The following PTPRM variants were observed in gnomAD, a reference collection of about 807,000 sequenced individuals.
PTPRM encodes protein tyrosine phosphatase receptor type M.
PTPRM carries 47 observed loss-of-function variants against 186.7 expected under a neutral mutation model. The observed-to-expected ratio is 0.25, with a 90% CI of 0.20 to 0.32. PTPRM has a LOEUF of 0.32. PTPRM is among the 10% of genes least tolerant of loss of function. The probability of loss-of-function intolerance (pLI) is 1.00; values close to 1 mark genes in which losing one functional copy is unlikely to be tolerated. For missense variants in PTPRM, 1,494 were observed against 1,865.0 expected (o/e 0.80, Z 3.66); for synonymous variants, 668 against 674.9 (o/e 0.99, Z 0.16).
chr18:7,569,351 T>G (rs989663382), intron 1 of PTPRM, among the ~76,000 whole-genome samples: 4 of 152,170 alleles, frequency 2.6e-5, no homozygotes, highest in Non-Finnish European at 4.4e-5. Flanking sequence ...TACAGAAATA[T>G]CCTTTCTCCA....
chr18:7,960,741 T>C (rs2053623333), intron 7 of PTPRM, among the ~76,000 whole-genome samples: 1 of 151,646 alleles, frequency 6.6e-6, no homozygotes, highest in Non-Finnish European at 1.5e-5. Flanking sequence ...ATCGACAGAG[T>C]AAAACCCTGT....
intron 2 of PTPRM, among the ~76,000 whole-genome samples, chr18:7,853,864 T>TAAC (rs2046977647): frequency 6.6e-6 from 1 of 152,196 alleles, no homozygotes; most frequent in Non-Finnish European, 1.5e-5. Context: ...CAATGAAAAC[T>TAAC]GATTTTCTAA....
At chr18:8,203,511 TAA>T (rs2093886262) in intron 14 of PTPRM, among the ~76,000 whole-genome samples, 1 of 152,192 alleles carries the variant, frequency 6.6e-6, no homozygotes, top group South Asian at 2.1e-4. Flanking sequence ...ATGAAAAGTT[TAA>T]AAGACATTGG....
At chr18:7,950,619 A>C (rs1224335937) in intron 6 of PTPRM, among the ~76,000 whole-genome samples, 1 of 152,148 alleles carries the variant, frequency 6.6e-6, no homozygotes, top group Non-Finnish European at 1.5e-5. Flanking sequence ...GGCCATGAGG[A>C]AGATCAAATG....
chr18:7,721,840 G>C (rs1383455360), intron 1 of PTPRM, among the ~76,000 whole-genome samples: 1 of 152,092 alleles, frequency 6.6e-6, no homozygotes, highest in Non-Finnish European at 1.5e-5. Flanking sequence ...GTTTTAGTTT[G>C]ATTTTATTTT....
rs1230885955 is a variant in PTPRM, at chr18:8,001,567, A to G, written c.1132+46153A>G. On this transcript the variant is annotated intron_variant, in intron 7 of 32. Coordinates refer to ENST00000580170, the MANE Select transcript of PTPRM (RefSeq NM_001105244.2). Reference sequence around the variant, plus strand: ...TTTATTTGCCCCTCCACCAGCCTAGATACACACTGGCTTTTGTGACTTTAT... The same window carrying G: ...TTTATTTGCCCCTCCACCAGCCTAGGTACACACTGGCTTTTGTGACTTTAT... Among the ~76,000 whole-genome samples the G allele has an allele frequency of 3.3e-5, 5 of 152,064 alleles. No individual in the cohort carries two copies. In the East Asian group the frequency reaches 9.6e-4, roughly 29 times the overall value.
intron 2 of PTPRM, among the ~76,000 whole-genome samples, chr18:7,883,339 C>T (rs1166172413): frequency 6.6e-6 from 1 of 152,154 alleles, no homozygotes; most frequent in Admixed American, 6.5e-5. Flanking sequence ...GAAAATTAAA[C>T]ATTCAGCCAT....
At position 8,291,829 on chromosome 18, in the gene PTPRM, G is replaced by A. The variant is rs142771890; in HGVS notation, c.2755-4539G>A. Among the ~76,000 whole-genome samples, 6 of 150,004 alleles carry A rather than the reference G, an allele frequency of 4.0e-5. No homozygotes were observed. The East Asian group carries it at 9.8e-4, about 24-fold the overall frequency. On this transcript the variant is annotated intron_variant, in intron 19 of 32. Transcript: ENST00000580170. ...ACATTTTACTGTTGTGTTTATTAGT[G>A]ATTATGCCCATCTCATGGTCTTCCA...
chr18:7,690,706 C>T (rs1248461105), intron 1 of PTPRM, among the ~76,000 whole-genome samples: 2 of 152,138 alleles, frequency 1.3e-5, no homozygotes, highest in African/African-American at 4.8e-5. Context: ...AGAATGTCTG[C>T]AAGTGATATA....
intron 7 of PTPRM, among the ~76,000 whole-genome samples, chr18:7,998,274 A>G (rs1299285196): frequency 6.6e-6 from 1 of 152,028 alleles, no homozygotes; most frequent in African/African-American, 2.4e-5. Flanking sequence ...TAAACAAGGC[A>G]GGCACAGAAT....
intron 2 of PTPRM, among the ~76,000 whole-genome samples, chr18:7,794,435 A>T (rs1164340318): frequency 6.6e-6 from 1 of 152,070 alleles, no homozygotes; most frequent in Non-Finnish European, 1.5e-5. Context: ...ATACCCTGGG[A>T]GGGGGACAAG....
At chr18:8,323,678 T>G (rs1208308147) in intron 22 of PTPRM, among the ~76,000 whole-genome samples, 1 of 152,138 alleles carries the variant, frequency 6.6e-6, no homozygotes, top group South Asian at 2.1e-4. Context: ...TTTGTCTCCA[T>G]CAGCATTAGC....
rs552620957 is a variant in PTPRM at position 8,176,826 on chromosome 18, A to C, written c.2300+33047A>C. Among the ~76,000 whole-genome samples the C allele has an allele frequency of 3.6e-4, 55 of 152,310 alleles. 1 individual carries two copies. Among genetic ancestry groups the C allele is most frequent in the Admixed American group, 1.8e-3 (27 of 15,290 alleles). ...AACCTCGGCAATAATAAAGGCTGCC[A>C]CTCTGTCAGGACTCCAGTCTCATGC... On this transcript the variant is annotated intron_variant, in intron 14 of 32. Coordinates refer to ENST00000580170, the MANE Select transcript of PTPRM (RefSeq NM_001105244.2).
chr18:7,773,141 G>A (rs1024638094), intron 1 of PTPRM, among the ~76,000 whole-genome samples: 4 of 151,788 alleles, frequency 2.6e-5, no homozygotes, highest in Admixed American at 1.3e-4. Context: ...TTCATTTCTA[G>A]TACCAGAATT....
intron 1 of PTPRM, among the ~76,000 whole-genome samples, chr18:7,629,222 A>C (rs867588937): frequency 6.6e-6 from 1 of 152,208 alleles, no homozygotes; most frequent in Non-Finnish European, 1.5e-5. Context: ...ATTCAGGTCA[A>C]TGTAGGGAAG....
intron 1 of PTPRM, among the ~76,000 whole-genome samples, chr18:7,739,029 G>A (rs1232909624): frequency 5.9e-5 from 9 of 152,066 alleles, no homozygotes; most frequent in African/African-American, 1.4e-4. Context: ...CCACTGAGCT[G>A]GTCATTGCTG....
chr18:7,730,763 C>T (rs561724713), intron 1 of PTPRM, among the ~76,000 whole-genome samples: 210 of 152,276 alleles, frequency 1.4e-3, no homozygotes, highest in Non-Finnish European at 2.2e-3. Context: ...AAGCTCACTT[C>T]GAAGTCCAAA....
intron 29 of PTPRM, among the ~76,000 whole-genome samples, chr18:8,382,883 G>T (rs1598526564): frequency 6.6e-6 from 1 of 152,188 alleles, no homozygotes. Flanking sequence ...ACATCATTCT[G>T]CATAAAATTA....
chr18:8,138,849 A>G (rs2092698826), intron 13 of PTPRM, among the ~76,000 whole-genome samples: 1 of 152,084 alleles, frequency 6.6e-6, no homozygotes, highest in African/African-American at 2.4e-5. Context: ...CATCTTAAGA[A>G]AAAAAGACTG....
Sources: allele counts gnomAD v4.1 joint callset (sites outside exome capture counted in the v4.1 genomes callset), GRCh38; gene constraint gnomAD v4.1.1; transcripts MANE v1.5; gene names NCBI Gene and HGNC (gene_info 2026-07-23, HGNC 2026-07-21).